NOS1AP: variants seen among roughly 807,000 people sequenced by gnomAD.
NOS1AP encodes the protein nitric oxide synthase 1 adaptor protein, also known as carboxyl-terminal PDZ ligand of neuronal nitric oxide synthase protein.
In NOS1AP, 21 loss-of-function variants were observed where a neutral mutation model predicts 56.2. The observed-to-expected ratio is 0.37, with a 90% CI of 0.26 to 0.54. The LOEUF (loss-of-function observed/expected upper bound fraction) is 0.54, where lower values mean the gene tolerates loss of function less well. Among genes scored for constraint, NOS1AP ranks in the 20% least tolerant of loss-of-function variants. The probability of loss-of-function intolerance (pLI) is 0.84; values close to 1 mark genes in which losing one functional copy is unlikely to be tolerated. For synonymous variants in NOS1AP, 270 were observed against 274.6 expected, an observed-to-expected ratio of 0.98 and a Z score of 0.17; for missense variants, 522 against 657.8, an observed-to-expected ratio of 0.79 and a Z score of 2.26.
chr1:162,242,531 G>A (rs1653517715), intron 2 of NOS1AP, among the ~76,000 whole-genome samples: 1 of 152,130 alleles, frequency 6.6e-6, no homozygotes, highest in Admixed American at 6.5e-5. Flanking sequence ...TGTGGATTGA[G>A]CCATCTTGGA....
chr1:162,355,278 T>C lies in NOS1AP; in HGVS notation c.687T>C (p.Asp229=). The change falls in exon 7 of 10, where the codon GAT becomes GAC. Residue 229 remains aspartate (D), a synonymous_variant. Coordinates refer to ENST00000361897, the MANE Select transcript of NOS1AP (RefSeq NM_014697.3). ...DAVEVPLPGN[D]VLEFSRGVTD... is the part of the protein sequence containing the mutation. ...TGGAGGTCCCACTTCCAGGGAATGA[T>C]GTCCTGGAATTCAGCCGAGGTGTGA... 1.2e-6 allele frequency: 2 copies of C among 1,614,048 alleles called. No individual in the cohort carries two copies. Among genetic ancestry groups the C allele is most frequent in the Non-Finnish European group, 1.7e-6 (2 of 1,180,022 alleles).
At chr1:162,365,130 C>G in intron 8 of NOS1AP, 1 of 1,396,408 alleles carries the variant, frequency 7.2e-7, no homozygotes, top group Non-Finnish European at 9.3e-7. Flanking sequence ...GTCGATGGCT[C>G]TTTCCTGCCT....
chr1:162,097,321 C>T (rs1207999899), intron 1 of NOS1AP, among the ~76,000 whole-genome samples: 1 of 152,120 alleles, frequency 6.6e-6, no homozygotes, highest in Admixed American at 6.5e-5. Flanking sequence ...ATGTGTATAA[C>T]AATTGTCTTT....
chr1:162,297,533 C>A (rs1655504556), intron 3 of NOS1AP, among the ~76,000 whole-genome samples: 1 of 152,112 alleles, frequency 6.6e-6, no homozygotes, highest in Admixed American at 6.5e-5. Context: ...AAGAGAGCTT[C>A]CGGTTGAGGA....
At chr1:162,079,319 G>A (rs1479731383) in intron 1 of NOS1AP, among the ~76,000 whole-genome samples, 1 of 152,112 alleles carries the variant, frequency 6.6e-6, no homozygotes, top group Non-Finnish European at 1.5e-5. Context: ...TCAGGAGTAG[G>A]TAATTGTCAT....
chr1:162,199,830 G>T (rs1254551734), intron 2 of NOS1AP, among the ~76,000 whole-genome samples: 2 of 152,160 alleles, frequency 1.3e-5, no homozygotes, highest in Non-Finnish European at 2.9e-5. Flanking sequence ...TGGCTTAATT[G>T]TTTGATTTGC....
At chr1:162,185,293 C>G (rs1407670832) in intron 2 of NOS1AP, among the ~76,000 whole-genome samples, 1 of 152,174 alleles carries the variant, frequency 6.6e-6, no homozygotes, top group Non-Finnish European at 1.5e-5. Context: ...GTTCACTGTT[C>G]TGGGGATTAG....
At chr1:162,093,418 G>T (rs970193513) in intron 1 of NOS1AP, among the ~76,000 whole-genome samples, 1 of 152,148 alleles carries the variant, frequency 6.6e-6, no homozygotes, top group Non-Finnish European at 1.5e-5. Flanking sequence ...AATTATTTTG[G>T]TAACAGGTGT....
chr1:162,195,591 G>A (rs1162703772), intron 2 of NOS1AP, among the ~76,000 whole-genome samples: 1 of 152,036 alleles, frequency 6.6e-6, no homozygotes, highest in Non-Finnish European at 1.5e-5. Context: ...CATGCAAACT[G>A]GGTACCCCTT....
At chr1:162,315,004 T>C (rs1378640217) in intron 4 of NOS1AP, among the ~76,000 whole-genome samples, 1 of 152,252 alleles carries the variant, frequency 6.6e-6, no homozygotes, top group Non-Finnish European at 1.5e-5. Context: ...ATTTGCATTT[T>C]GTTAGAGGAG....
chr1:162,320,299 C>T (rs1325901759), intron 4 of NOS1AP, among the ~76,000 whole-genome samples: 1 of 152,202 alleles, frequency 6.6e-6, no homozygotes, highest in Non-Finnish European at 1.5e-5. Flanking sequence ...CAAGGACTTG[C>T]CTCCTTCACA....
intron 1 of NOS1AP, among the ~76,000 whole-genome samples, chr1:162,101,329 G>A (rs542210887): frequency 9.2e-5 from 14 of 152,274 alleles, no homozygotes; most frequent in African/African-American, 2.9e-4. Flanking sequence ...ATGCTGTTTT[G>A]ATTACTGGAG....
At chr1:162,331,079 T>C (rs1017840652) in intron 4 of NOS1AP, among the ~76,000 whole-genome samples, 1 of 152,142 alleles carries the variant, frequency 6.6e-6, no homozygotes, top group Admixed American at 6.5e-5. Flanking sequence ...TCCAGGAAGG[T>C]TGGCTGAATG....
At chr1:162,168,830 T>C (rs1650629461) in intron 2 of NOS1AP, among the ~76,000 whole-genome samples, 2 of 152,248 alleles carry the variant, frequency 1.3e-5, no homozygotes, top group Non-Finnish European at 2.9e-5. Context: ...ATATAGTAAG[T>C]CACTGCTCCT....
At chr1:162,314,395 A>C (rs538502626) in intron 4 of NOS1AP, among the ~76,000 whole-genome samples, 1 of 152,338 alleles carries the variant, frequency 6.6e-6, no homozygotes, top group East Asian at 1.9e-4. Flanking sequence ...CCAGGGAGGG[A>C]ATTACCCTAT....
intron 3 of NOS1AP, among the ~76,000 whole-genome samples, chr1:162,291,161 C>T (rs927819721): frequency 6.6e-6 from 1 of 152,206 alleles, no homozygotes; most frequent in Non-Finnish European, 1.5e-5. Context: ...AGCCTCCTCT[C>T]TCTCCCAGCC....
intron 4 of NOS1AP, among the ~76,000 whole-genome samples, chr1:162,332,344 CT>C (rs1656795582): frequency 6.6e-6 from 1 of 152,178 alleles, no homozygotes; most frequent in African/African-American, 2.4e-5. Flanking sequence ...CTTCATAGCA[CT>C]TATTTTATAT....
chr1:162,261,493 AG>A (rs574929134), intron 2 of NOS1AP, among the ~76,000 whole-genome samples: 37 of 190 alleles, frequency 0.19, 14 homozygotes, highest in Non-Finnish European at 0.38. Context: ...AGAGAGAGAG[AG>A]AGAGAGAGAG....
intron 2 of NOS1AP, among the ~76,000 whole-genome samples, chr1:162,182,284 G>A (rs1651288910): frequency 6.6e-6 from 1 of 152,218 alleles, no homozygotes; most frequent in Non-Finnish European, 1.5e-5. Context: ...ATACTGTCAA[G>A]TTGGTACAGG....
Sources: allele counts gnomAD v4.1 joint callset (sites outside exome capture counted in the v4.1 genomes callset), GRCh38; gene constraint gnomAD v4.1.1; transcripts MANE v1.5; gene names NCBI Gene and HGNC (gene_info 2026-07-23, HGNC 2026-07-21).